CDH18: variants seen among roughly 807,000 people sequenced by gnomAD.
CDH18 encodes the protein cadherin-18.
A neutral mutation model predicts 67.9 loss-of-function variants in CDH18; 31 were observed. The observed-to-expected ratio is 0.46, with a 90% CI of 0.34 to 0.62. The LOEUF is 0.62. Ranked by LOEUF, CDH18 falls within the 20% of genes least tolerant of loss-of-function variation. The probability of loss-of-function intolerance (pLI) is 0.01; values close to 1 mark genes in which losing one functional copy is unlikely to be tolerated. For missense variants in CDH18, 890 were observed against 975.5 expected (o/e 0.91, Z 1.17); for synonymous variants, 362 against 347.2 (o/e 1.04, Z -0.48).
At chr5:20,388,644 C>A (rs1562023883) in intron 1 of CDH18, among the ~76,000 whole-genome samples, 1 of 152,124 alleles carries the variant, frequency 6.6e-6, no homozygotes, top group Non-Finnish European at 1.5e-5. Flanking sequence ...TTCTCTAGTT[C>A]TTTTAATTGT....
intron 10 of CDH18, among the ~76,000 whole-genome samples, chr5:19,506,131 C>G (rs1744119661): frequency 6.7e-6 from 1 of 149,280 alleles, no homozygotes; most frequent in African/African-American, 2.5e-5. Context: ...AACAGAGAGC[C>G]AAATCATGAG....
At chr5:19,648,969 T>C (rs945722446) in intron 5 of CDH18, among the ~76,000 whole-genome samples, 2 of 152,158 alleles carry the variant, frequency 1.3e-5, no homozygotes, top group Non-Finnish European at 2.9e-5. Context: ...CCAGGAAGGA[T>C]AGTTTTATGG....
rs545387861 is a variant in CDH18 at position 20,131,119 on chromosome 5, C to T, written c.-518+124325G>A. 2.0e-5 allele frequency among the ~76,000 whole-genome samples: 3 copies of T among 152,126 alleles called. No individual in the cohort carries two copies. In the East Asian group the frequency reaches 5.8e-4, roughly 29 times the overall value. On this transcript the variant is annotated intron_variant, in intron 2 of 14. Transcript: ENST00000507958. ...AGAATTTGATCCCATTGCCTAATCC[C>T]TTCTTCATAAAAAGTCTCTACTTTC...
At chr5:20,417,220 C>T (rs890848232) in intron 1 of CDH18, among the ~76,000 whole-genome samples, 3 of 152,018 alleles carry the variant, frequency 2.0e-5, no homozygotes, top group African/African-American at 4.8e-5. Flanking sequence ...TATTTAATAA[C>T]GTAGCTGTTC....
intron 2 of CDH18, among the ~76,000 whole-genome samples, chr5:20,182,967 T>C (rs1041043097): frequency 3.9e-5 from 6 of 152,122 alleles, no homozygotes; most frequent in Non-Finnish European, 8.8e-5. Context: ...CTGAAGGGTA[T>C]AGGTTCTGGA....
chr5:19,737,927 A>G (rs1254325282), intron 4 of CDH18, among the ~76,000 whole-genome samples: 1 of 152,142 alleles, frequency 6.6e-6, no homozygotes, highest in African/African-American at 2.4e-5. Context: ...GAAAGAAACA[A>G]CATAAATTGT....
chr5:20,100,803 G>GA lies in CDH18; in HGVS notation c.-517-108790dup, dbSNP rs957951185. Among the ~76,000 whole-genome samples the GA allele has an allele frequency of 3.9e-3, 578 of 149,324 alleles. 8 individuals are homozygous for GA. The highest frequency in any genetic ancestry group is 0.013 in the African/African-American group (512 of 40,726). ...GAGAATATCCCCACTACACCTCTGA[G>GA]AAAAAAAAAATTGTTTTCTCTTGGC... On this transcript the variant is annotated intron_variant, in intron 2 of 14. Coordinates refer to the CDH18 transcript ENST00000507958.
intron 1 of CDH18, chr5:20,304,400 T>C: frequency 4.3e-6 from 6 of 1,408,148 alleles, no homozygotes; most frequent in Non-Finnish European, 6.0e-6. Context: ...TTCTTTTACT[T>C]CAGTAACTAC....
intron 5 of CDH18, among the ~76,000 whole-genome samples, chr5:19,618,700 G>A (rs773348713): frequency 9.2e-5 from 14 of 152,076 alleles, no homozygotes; most frequent in Admixed American, 4.6e-4. Context: ...AGAATCCAGG[G>A]CAGTGGGTCC....
intron 10 of CDH18, among the ~76,000 whole-genome samples, chr5:19,512,597 C>A (rs901755510): frequency 1.3e-5 from 2 of 152,060 alleles, no homozygotes; most frequent in Non-Finnish European, 2.9e-5. Context: ...TATGAGAACT[C>A]TAAATAACAT....
chr5:19,769,174 T>C (rs768656034), intron 3 of CDH18, among the ~76,000 whole-genome samples: 1 of 152,112 alleles, frequency 6.6e-6, no homozygotes, highest in Non-Finnish European at 1.5e-5. Context: ...ACTTTCTCTA[T>C]TTGATAGAAA....
At chr5:20,526,426 A>G (rs1158160795) in intron 1 of CDH18, among the ~76,000 whole-genome samples, 1 of 152,102 alleles carries the variant, frequency 6.6e-6, no homozygotes, top group East Asian at 1.9e-4. Context: ...GACTCCATCC[A>G]TAAGGGGGGC....
intron 2 of CDH18, among the ~76,000 whole-genome samples, chr5:20,200,477 C>T (rs948389012): frequency 6.6e-6 from 1 of 152,000 alleles, no homozygotes; most frequent in African/African-American, 2.4e-5. Context: ...AGTTCAAGAC[C>T]AGCCTTGGAA....
intron 2 of CDH18, among the ~76,000 whole-genome samples, chr5:20,177,736 T>C (rs1737353181): frequency 6.6e-6 from 1 of 152,076 alleles, no homozygotes; most frequent in Admixed American, 6.6e-5. Context: ...GGGAGATAAT[T>C]GAATCATGGG....
At chr5:20,565,280 A>G (rs1474143056) in intron 1 of CDH18, among the ~76,000 whole-genome samples, 1 of 100,674 alleles carries the variant, frequency 9.9e-6, no homozygotes, top group Non-Finnish European at 2.0e-5. Context: ...TCATAGACCT[A>G]AAGTTGTTGT....
chr5:20,370,900 G>A (rs1742936489), intron 1 of CDH18, among the ~76,000 whole-genome samples: 1 of 152,018 alleles, frequency 6.6e-6, no homozygotes, highest in African/African-American at 2.4e-5. Flanking sequence ...AGCTGGGTGT[G>A]GTGGCAGGCA....
At chr5:19,637,108 G>GT (rs925258509) in intron 5 of CDH18, among the ~76,000 whole-genome samples, 4 of 151,704 alleles carry the variant, frequency 2.6e-5, no homozygotes, top group South Asian at 4.2e-4. Context: ...GTAGATTTCT[G>GT]TTTTTTTGTT....
At chr5:19,669,759 C>T (rs1490594287) in intron 5 of CDH18, among the ~76,000 whole-genome samples, 1 of 152,170 alleles carries the variant, frequency 6.6e-6, no homozygotes, top group Non-Finnish European at 1.5e-5. Context: ...CCAGCAATGA[C>T]TTTACTCATG....
intron 1 of CDH18, among the ~76,000 whole-genome samples, chr5:20,395,665 A>G (rs1580899046): frequency 6.6e-6 from 1 of 152,208 alleles, no homozygotes; most frequent in African/African-American, 2.4e-5. Context: ...AACCCTTGGA[A>G]TCTCTGGAGT....
Sources: allele counts gnomAD v4.1 joint callset (sites outside exome capture counted in the v4.1 genomes callset), GRCh38; gene constraint gnomAD v4.1.1; transcripts MANE v1.5; gene names NCBI Gene and HGNC (gene_info 2026-07-23, HGNC 2026-07-21).